STRN: variants seen among roughly 807,000 people sequenced by gnomAD.
STRN encodes protein phosphatase 2 regulatory subunit B'''alpha.
A neutral mutation model predicts 96.3 loss-of-function variants in STRN; 53 were observed. That is an observed-to-expected ratio of 0.55 (90% confidence interval 0.44 to 0.69). The LOEUF (loss-of-function observed/expected upper bound fraction) is 0.69, where lower values mean the gene tolerates loss of function less well. STRN is among the 30% of genes least tolerant of loss of function. The pLI, the probability that STRN is intolerant of heterozygous loss-of-function variation, is 0.00. For synonymous variants in STRN, 428 were observed against 355.9 expected, an observed-to-expected ratio of 1.20 and a Z score of -2.28; for missense variants, 987 against 963.9, an observed-to-expected ratio of 1.02 and a Z score of -0.32.
intron 10 of STRN, among the ~76,000 whole-genome samples, chr2:36,871,718 C>G (rs1182846638): frequency 2.0e-5 from 3 of 152,128 alleles, no homozygotes; most frequent in African/African-American, 4.8e-5. Flanking sequence ...CTCAAAATAC[C>G]TCTATGAAGA....
At chr2:36,910,260 C>T (rs1015662808) in intron 3 of STRN, among the ~76,000 whole-genome samples, 2 of 150,092 alleles carry the variant, frequency 1.3e-5, no homozygotes, top group African/African-American at 2.5e-5. Context: ...GACACGTGAG[C>T]GGAAGACTTT....
intron 6 of STRN, among the ~76,000 whole-genome samples, chr2:36,895,240 T>G (rs1444044241): frequency 6.6e-6 from 1 of 151,040 alleles, no homozygotes; most frequent in African/African-American, 2.4e-5. Flanking sequence ...GGCAGAAGAA[T>G]GGCGTGAACC....
chr2:36,928,882 A>G (rs190050058), intron 1 of STRN, among the ~76,000 whole-genome samples: 2 of 149,820 alleles, frequency 1.3e-5, no homozygotes, highest in African/African-American at 4.9e-5. Context: ...CAGGAGGCAG[A>G]GGCTGCAGTG....
chr2:36,922,518 CAA>C lies in STRN; in HGVS notation c.338+2585_338+2586del, dbSNP rs749446955. Among the ~76,000 whole-genome samples, 441 of 91,094 alleles carry C rather than the reference CAA, an allele frequency of 4.8e-3. 1 individual carries two copies. Among genetic ancestry groups the C allele is most frequent in the African/African-American group, 0.014 (339 of 24,072 alleles). 59.8% of individuals were successfully genotyped at this position (91,094 alleles called of 152,430 possible). On this transcript the variant is annotated intron_variant, in intron 2 of 17. Transcript: ENST00000263918. The stretch of plus-strand genomic sequence containing the variant: ...TAGGCAACAGAGCAAGACCCTGTCT[CAA>C]AAAAAAAAAAAAAAAAAAAAATTAA...
chr2:36,926,341 G>A (rs1310773187), intron 1 of STRN, among the ~76,000 whole-genome samples: 1 of 152,122 alleles, frequency 6.6e-6, no homozygotes, highest in Non-Finnish European at 1.5e-5. Context: ...AAAGTCATAA[G>A]GGCCTCAAAA....
chr2:36,838,994 C>G lies in STRN; in HGVS notation c.*10462G>C, dbSNP rs962813679. 2.4e-4 allele frequency among the ~76,000 whole-genome samples: 37 copies of G among 152,074 alleles called. No individual in the cohort carries two copies. The highest frequency in any genetic ancestry group is 8.5e-4 in the African/African-American group (35 of 41,382). ...AAATTTGTAAGGTGCTCATGATACA[C>G]ATTATATTAGAAAAAGCAAGTGCAG... On this transcript the variant is annotated 3_prime_UTR_variant, in exon 18 of 18. Transcript: ENST00000263918.
intron 10 of STRN, among the ~76,000 whole-genome samples, chr2:36,875,736 A>G (rs1280848428): frequency 1.3e-5 from 2 of 150,374 alleles, no homozygotes; most frequent in African/African-American, 4.9e-5. Flanking sequence ...GGCTCACTGC[A>G]AACTCTGCCT....
Position 36,869,630 on chromosome 2 carries a change from C to A in STRN, c.1423G>T (p.Glu475Ter). ...GIRALAFHPI[E>*]PVLITASEDH... ...TCTGATGCTGTTATCAAAACAGGCT[C>A]AATGGGATGGAAAGCAAGGGCTCGG... Residue 475 changes from glutamate to a stop codon, truncating the protein, a stop_gained, in exon 11 of 18, where the codon GAG becomes TAG. Coordinates refer to ENST00000263918, the MANE Select transcript of STRN (RefSeq NM_003162.4). LOFTEE classifies it high-confidence loss of function. 1.2e-6 allele frequency: 2 copies of A among 1,612,742 alleles called. No individual in the cohort carries two copies. The highest frequency in any genetic ancestry group is 8.5e-7 in the Non-Finnish European group (1 of 1,179,316).
intron 1 of STRN, among the ~76,000 whole-genome samples, chr2:36,964,364 TC>T (rs1390309444): frequency 5.3e-5 from 8 of 151,904 alleles, no homozygotes; most frequent in Admixed American, 5.2e-4. Context: ...CAAAAATCAT[TC>T]CCCACAACTG....
chr2:36,899,107 T>C (rs1284652836), intron 6 of STRN, among the ~76,000 whole-genome samples: 1 of 152,228 alleles, frequency 6.6e-6, no homozygotes, highest in Non-Finnish European at 1.5e-5. Context: ...GGAAGAGTTC[T>C]GAAAGTTTGC....
In STRN at chr2:36,884,103, A is replaced by T. The variant is rs1669149489; in HGVS notation, c.1043-28T>A. 2.3e-6 allele frequency: 3 copies of T among 1,315,024 alleles called. No individual in the cohort carries two copies. The South Asian group carries it at 9.3e-5, about 41-fold the overall frequency. 81.5% of individuals were successfully genotyped at this position (1,315,024 alleles called of 1,614,324 possible). On this transcript the variant is annotated intron_variant, in intron 8 of 17. Coordinates refer to ENST00000263918, the MANE Select transcript of STRN (RefSeq NM_003162.4). ...AGCCAAAAAAAGGGGGGGTGGGAGG[A>T]GATAAAAAAGAGAAAAGAGAATTAT...
chr2:36,861,894 T>C (rs113407031), intron 12 of STRN, among the ~76,000 whole-genome samples: 3 of 152,264 alleles, frequency 2.0e-5, no homozygotes, highest in African/African-American at 7.2e-5. Flanking sequence ...TAGTACGCAA[T>C]GGGTAGTTTT....
chr2:36,929,918 G>A (rs1177785004), intron 1 of STRN, among the ~76,000 whole-genome samples: 2 of 152,242 alleles, frequency 1.3e-5, no homozygotes, highest in East Asian at 1.9e-4. Context: ...CTTTTGATTT[G>A]AACACAAACT....
chr2:36,871,444 T>C (rs925463927), intron 10 of STRN, among the ~76,000 whole-genome samples: 4 of 152,244 alleles, frequency 2.6e-5, no homozygotes, highest in Non-Finnish European at 4.4e-5. Flanking sequence ...ACATGCTGTA[T>C]AGATTTGTAA....
At chr2:36,901,423 G>A (rs758104047) in intron 5 of STRN, among the ~76,000 whole-genome samples, 15 of 151,704 alleles carry the variant, frequency 9.9e-5, no homozygotes, top group Non-Finnish European at 2.1e-4. Flanking sequence ...GCGGTGGCAC[G>A]CGCCTGTAGT....
intron 7 of STRN, among the ~76,000 whole-genome samples, chr2:36,888,890 C>T (rs112990717): frequency 2.8e-4 from 42 of 152,084 alleles, no homozygotes; most frequent in Non-Finnish European, 4.6e-4. Context: ...CACTATGTTG[C>T]CCAGGCTGGT....
chr2:36,921,786 C>G (rs1389543590), intron 2 of STRN, among the ~76,000 whole-genome samples: 1 of 152,126 alleles, frequency 6.6e-6, no homozygotes, highest in East Asian at 1.9e-4. Context: ...GTTTAGAGAT[C>G]TTTCCAGTCC....
chr2:36,883,941 C>T lies in STRN; in HGVS notation c.1177G>A (p.Ala393Thr). Residue 393 changes from alanine to threonine, a missense_variant, in exon 9 of 18, where the codon GCA (alanine) becomes ACA (threonine). Transcript: ENST00000263918. ...TATCTTAAATACTTACCTTCATCTG[C>T]CCTATTAATTTCATGTTCAGGAAGC... ...SRLPEHEINR[A>T]DEVEALTFPP... The T allele has an allele frequency of 7.2e-7, 1 of 1,393,274 alleles. No individual in the cohort carries two copies. Among genetic ancestry groups the T allele is most frequent in the Non-Finnish European group, 9.4e-7 (1 of 1,067,606 alleles). The allele number at this position is 1,393,274 out of a possible 1,614,324, so 86.3% of individuals were successfully genotyped here.
At position 36,886,768 on chromosome 2, in the gene STRN, G is replaced by A. The variant is rs1449378466; in HGVS notation, c.990C>T (p.Thr330=). Residue 330 remains threonine (T), a synonymous_variant, in exon 8 of 18, where the codon ACC becomes ACT. Transcript: ENST00000263918. ...EAWNVDQGVI[T]KLKEQYKKER... ...CCTTTTTGTATTGTTCCTTGAGTTT[G>A]GTAATTACTCCCTGGTCCACATTCC... 1.2e-6 allele frequency: 2 copies of A among 1,613,100 alleles called. No homozygotes were observed. The highest frequency in any genetic ancestry group is 1.7e-6 in the Non-Finnish European group (2 of 1,179,610).
Sources: allele counts gnomAD v4.1 joint callset (sites outside exome capture counted in the v4.1 genomes callset), GRCh38; gene constraint gnomAD v4.1.1; transcripts MANE v1.5; gene names NCBI Gene and HGNC (gene_info 2026-07-23, HGNC 2026-07-21).